The following UPP2 variants were observed in gnomAD, a reference collection of about 807,000 sequenced individuals.
The protein encoded by UPP2 is uridine phosphorylase 2.
In UPP2, 23 loss-of-function variants were observed where a neutral mutation model predicts 26.7. The observed-to-expected ratio is 0.86, with a 90% CI of 0.62 to 1.22. UPP2 has a LOEUF of 1.22. Among genes scored for constraint, UPP2 ranks in the 50% most tolerant of loss-of-function variants. The pLI is 0.00. For synonymous variants in UPP2, 127 were observed against 141.3 expected (o/e 0.90, Z 0.72); for missense variants, 387 against 396.7 (o/e 0.98, Z 0.21).
At chr2:158,060,638 T>C (rs1015587925) in intron 3 of UPP2, among the ~76,000 whole-genome samples, 1 of 150,216 alleles carries the variant, frequency 6.7e-6, no homozygotes, top group Non-Finnish European at 1.5e-5. Flanking sequence ...AAAATTCGTA[T>C]GTTGAAGCCC....
At chr2:158,117,500 A>G (rs985345485) in intron 3 of UPP2, among the ~76,000 whole-genome samples, 9 of 152,014 alleles carry the variant, frequency 5.9e-5, no homozygotes, top group Admixed American at 3.9e-4. Context: ...CATCATGAAG[A>G]GCCCAGTGGG....
At chr2:158,060,355 G>A (rs1322586888) in intron 3 of UPP2, among the ~76,000 whole-genome samples, 2 of 152,132 alleles carry the variant, frequency 1.3e-5, no homozygotes, top group East Asian at 3.9e-4. Context: ...GATGATACAT[G>A]TAAAGCACTT....
At chr2:158,062,972 A>G (rs1682376123) in intron 3 of UPP2, among the ~76,000 whole-genome samples, 1 of 152,120 alleles carries the variant, frequency 6.6e-6, no homozygotes, top group Non-Finnish European at 1.5e-5. Context: ...GAAGTACCCA[A>G]TCTGCTCCCC....
chr2:158,110,686 G>T (rs996653742), intron 2 of UPP2, among the ~76,000 whole-genome samples: 2 of 152,104 alleles, frequency 1.3e-5, no homozygotes, highest in African/African-American at 4.8e-5. Context: ...GTTGTTTCCT[G>T]ACTTTTTAAT....
At chr2:158,093,999 CAT>C (rs1418370023) in intron 3 of UPP2, among the ~76,000 whole-genome samples, 1 of 149,890 alleles carries the variant, frequency 6.7e-6, no homozygotes, top group Admixed American at 6.7e-5. Flanking sequence ...ATTATATATA[CAT>C]ATGATTCTTA....
intron 3 of UPP2, among the ~76,000 whole-genome samples, chr2:158,093,456 G>A (rs772464514): frequency 1.3e-5 from 2 of 152,094 alleles, no homozygotes; most frequent in African/African-American, 2.4e-5. Context: ...GACATGGAAA[G>A]TTTGGAAGTA....
intron 5 of UPP2, among the ~76,000 whole-genome samples, chr2:158,122,971 G>T (rs1683603183): frequency 6.6e-6 from 1 of 152,170 alleles, no homozygotes; most frequent in Non-Finnish European, 1.5e-5. Flanking sequence ...GGGAGAAAAA[G>T]AGAGGAAAGA....
rs999856770 is a variant in UPP2, at chr2:158,128,055, A to G, written c.811+4160A>G. ...CTTGTGGTAAGTATGTTTAACTTGT[A>G]TTCGTGTTTTAAAGACAGTGCTGCC... On this transcript the variant is annotated intron_variant, in intron 6 of 6. Coordinates refer to ENST00000005756, the MANE Select transcript of UPP2 (RefSeq NM_173355.4). 6.1e-6 allele frequency: 6 copies of G among 979,804 alleles called. No homozygotes were observed. The African/African-American group carries it at 1.0e-4, about 17-fold the overall frequency. 60.7% of individuals were successfully genotyped at this position (979,804 alleles called of 1,614,324 possible). A position where few individuals can be genotyped will look rare whatever the true frequency, so the allele number is the denominator to read the frequency against.
intron 2 of UPP2, among the ~76,000 whole-genome samples, chr2:158,107,031 CCA>C (rs1182982123): frequency 6.6e-5 from 10 of 152,086 alleles, no homozygotes. Context: ...AAGTGGTGTA[CCA>C]CACATTACAG....
At chr2:158,103,115 A>C (rs1558931333) in intron 1 of UPP2, among the ~76,000 whole-genome samples, 1 of 152,226 alleles carries the variant, frequency 6.6e-6, no homozygotes, top group Non-Finnish European at 1.5e-5. Flanking sequence ...CAAAAACTAC[A>C]TTCATATTGG....
chr2:158,099,007 A>C (rs932208899), upstream of UPP2, among the ~76,000 whole-genome samples: 8 of 152,184 alleles, frequency 5.3e-5, no homozygotes, highest in Admixed American at 5.2e-4. Context: ...ACACTCAAGG[A>C]AAGATCAAAA....
rs1467630243 is a variant in UPP2 at position 158,023,231 on chromosome 2, G to GGGGA, written c.147+7348_147+7349insAGGG. Among the ~76,000 whole-genome samples, 3 of 31,358 alleles carry GGGGA rather than the reference G, an allele frequency of 9.6e-5. 1 individual carries two copies. Among genetic ancestry groups the GGGGA allele is most frequent in the African/African-American group, 5.7e-5 (1 of 17,598 alleles). 20.6% of individuals were successfully genotyped at this position (31,358 alleles called of 152,430 possible). On this transcript the variant is annotated intron_variant, in intron 3 of 9. Transcript: ENST00000605860. ...TGAGGTCATGGGGTTGCTGTCAGTT[G>GGGGA]GGGGGGGGCATTTGGAAGGCTTTCA... is the stretch of plus-strand genomic sequence containing the variant.
chr2:158,024,291 T>C lies in UPP2; in HGVS notation c.147+8405T>C, dbSNP rs1574250525. 4.6e-5 allele frequency among the ~76,000 whole-genome samples: 7 copies of C among 152,308 alleles called. 1 individual carries two copies. The highest frequency in any genetic ancestry group is 4.6e-4 in the Admixed American group (7 of 15,310). The stretch of plus-strand genomic sequence containing the variant: ...TAGTTTAAGGACCAAAAGGTTTCTT[T>C]CAACTAACCCACTGAGGCCATTTAG... On this transcript the variant is annotated intron_variant, in intron 3 of 9. Transcript: ENST00000605860.
chr2:158,108,108 T>C (rs1053638664), intron 2 of UPP2, among the ~76,000 whole-genome samples: 1 of 152,190 alleles, frequency 6.6e-6, no homozygotes, highest in Non-Finnish European at 1.5e-5. Context: ...TTAATACATT[T>C]AAAAGACTTG....
chr2:158,042,240 C>T (rs1574259644), intron 3 of UPP2, among the ~76,000 whole-genome samples: 1 of 152,154 alleles, frequency 6.6e-6, no homozygotes, highest in African/African-American at 2.4e-5. Context: ...TAGGCCTGTA[C>T]AGTTTTTTCT....
At chr2:158,009,189 A>AT (rs898785954) in intron 2 of UPP2, among the ~76,000 whole-genome samples, 29 of 152,262 alleles carry the variant, frequency 1.9e-4, no homozygotes, top group Non-Finnish European at 3.1e-4. Context: ...TTCTGGCTAG[A>AT]TTTTTTCAGG....
intron 2 of UPP2, among the ~76,000 whole-genome samples, chr2:158,012,939 A>G (rs926818683): frequency 6.6e-6 from 1 of 152,230 alleles, no homozygotes; most frequent in Non-Finnish European, 1.5e-5. Context: ...ATGGAGAAAT[A>G]TTATAATAAA....
chr2:158,077,146 T>C (rs892586680), intron 3 of UPP2, among the ~76,000 whole-genome samples: 16 of 152,170 alleles, frequency 1.1e-4, no homozygotes, highest in African/African-American at 3.8e-4. Flanking sequence ...TAAACATTGA[T>C]GAAAGAAATT....
At chr2:158,050,388 G>GTT (rs67366549) in intron 3 of UPP2, among the ~76,000 whole-genome samples, 330 of 147,492 alleles carry the variant, frequency 2.2e-3, no homozygotes, top group East Asian at 8.1e-3. Context: ...GGATTATTTA[G>GTT]TTTTTTTTTT....
Sources: allele counts gnomAD v4.1 joint callset (sites outside exome capture counted in the v4.1 genomes callset), GRCh38; gene constraint gnomAD v4.1.1; transcripts MANE v1.5; gene names NCBI Gene and HGNC (gene_info 2026-07-23, HGNC 2026-07-21).